Variants in NFE2L1 observed in about 807,000 individuals in gnomAD.
NFE2L1 encodes the protein NFE2 like bZIP transcription factor 1, also known as endoplasmic reticulum membrane sensor NFE2L1.
Under a neutral mutation model 61.6 loss-of-function variants are expected in NFE2L1, and 18 were observed. The ratio of observed to expected loss-of-function variants is 0.29; its 90% CI spans 0.20 to 0.43. The LOEUF is 0.43. Among genes scored for constraint, NFE2L1 ranks in the 20% least tolerant of loss-of-function variants. The pLI is 1.00. For synonymous variants in NFE2L1, 419 were observed against 402.7 expected, an observed-to-expected ratio of 1.04 and a Z score of -0.48; for missense variants, 827 against 973.5, an observed-to-expected ratio of 0.85 and a Z score of 2.00.
intron 2 of NFE2L1, chr17:48,054,587 A>G: frequency 2.4e-6 from 2 of 842,914 alleles, no homozygotes; most frequent in East Asian, 4.1e-5. Context: ...CAGCCTCAGC[A>G]GTGACCTGCG....
Position 48,061,186 on chromosome 17 carries a change from C to T in NFE2L1, c.*1545C>T, listed in dbSNP as rs912417391. ...AGGTGGCCAGATGGTTCCAGGACTA[C>T]AATGTCTTTATTTTTAACTGTTTGC... On this transcript the variant is annotated 3_prime_UTR_variant, in exon 6 of 6. Transcript: ENST00000362042. The T allele has an allele frequency of 2.0e-5, 3 of 152,184 alleles. No homozygotes were observed. Among genetic ancestry groups the T allele is most frequent in the African/African-American group, 4.8e-5 (2 of 41,400 alleles). 9.4% of individuals were successfully genotyped at this position (152,184 alleles called of 1,614,324 possible). A position where few individuals can be genotyped will look rare whatever the true frequency, so the allele number is the denominator to read the frequency against.
In NFE2L1 at chr17:48,059,033, G is replaced by A. The variant is rs772693788; in HGVS notation, c.1711G>A (p.Val571Met). Residue 571 changes from valine to methionine, a missense_variant, in exon 6 of 6, where the codon GTG (valine) becomes ATG (methionine). Val to Met is a conservative substitution (Grantham distance 21). Around this residue, in one of 3 missense-constraint regions of NFE2L1, gnomAD observed 667 missense variants for 748.4 expected, o/e 0.89. Coordinates refer to ENST00000362042, the MANE Select transcript of NFE2L1 (RefSeq NM_003204.3). This position sits in a 1 kb window ranked among gnomAD's most constrained non-coding sequence, Gnocchi z 6.1. ...CTCATGCCTGCCCTACCTGGAGCAC[G>A]TGGGCCACAACCACACATACAACAT... ...QLSCLPYLEH[V>M]GHNHTYNMAP... The A allele has an allele frequency of 1.9e-6, 3 of 1,613,992 alleles. No individual in the cohort carries two copies. Among genetic ancestry groups the A allele is most frequent in the Admixed American group, 1.7e-5 (1 of 60,002 alleles).
intron 2 of NFE2L1, chr17:48,055,105 G>C: frequency 6.9e-7 from 1 of 1,445,008 alleles, no homozygotes; most frequent in Non-Finnish European, 9.1e-7. Flanking sequence ...CTGGTCACCG[G>C]GTGGCCCAGC....
chr17:48,049,791 T>A (rs1472590536), intron 1 of NFE2L1, among the ~76,000 whole-genome samples: 1 of 152,238 alleles, frequency 6.6e-6, no homozygotes, highest in Non-Finnish European at 1.5e-5. Flanking sequence ...GCCTGAACAT[T>A]GTCCTTTTGT....
rs577046386 is a variant in NFE2L1 at position 48,053,238 on chromosome 17, C to T, written c.510+1610C>T. 4.1e-4 allele frequency among the ~76,000 whole-genome samples: 62 copies of T among 152,166 alleles called. 1 individual carries two copies. Among genetic ancestry groups the T allele is most frequent in the Middle Eastern group, 6.8e-3 (2 of 294 alleles). ...TGGATATTATTGGGTGGGTTGGGGC[C>T]GAATGGGATGGGACTTTGACCCTGC... On this transcript the variant is annotated intron_variant, in intron 2 of 5. Coordinates refer to ENST00000362042, the MANE Select transcript of NFE2L1 (RefSeq NM_003204.3).
At chr17:48,054,826 T>C in intron 2 of NFE2L1, 1 of 1,271,408 alleles carries the variant, frequency 7.9e-7, no homozygotes, top group Non-Finnish European at 9.8e-7. Flanking sequence ...GGGAGGGGGC[T>C]GCTCAAGGAT....
intron 2 of NFE2L1, among the ~76,000 whole-genome samples, chr17:48,052,669 G>A (rs778860416): frequency 6.6e-6 from 1 of 152,178 alleles, no homozygotes; most frequent in Non-Finnish European, 1.5e-5. Context: ...GCTTGTTCTA[G>A]GCCAGTGGTC....
chr17:48,054,727 T>C, intron 2 of NFE2L1: 3 of 1,256,512 alleles, frequency 2.4e-6, no homozygotes, highest in Non-Finnish European at 3.0e-6. Context: ...GCACGGAGCA[T>C]GGGGTGGGAG....
intron 2 of NFE2L1, chr17:48,054,963 G>C: frequency 6.8e-7 from 1 of 1,470,466 alleles, no homozygotes; most frequent in Non-Finnish European, 9.0e-7. Context: ...AGAGCTCCTT[G>C]CAGCCCCCTG....
chr17:48,054,825 C>T (rs2037351646), intron 2 of NFE2L1: 1 of 1,298,054 alleles, frequency 7.7e-7, no homozygotes. Context: ...TGGGAGGGGG[C>T]TGCTCAAGGA....
rs1598298054 is a variant in NFE2L1, at chr17:48,061,451, A to C, written c.*1810A>C. The C allele has an allele frequency of 6.6e-6, 1 of 152,208 alleles. No individual in the cohort carries two copies. Among genetic ancestry groups the C allele is most frequent in the African/African-American group, 2.4e-5 (1 of 41,438 alleles). 9.4% of individuals were successfully genotyped at this position (152,208 alleles called of 1,614,324 possible). A position where few individuals can be genotyped will look rare whatever the true frequency, so the allele number is the denominator to read the frequency against. Reference sequence around the variant, plus strand: ...GAGAGAGAGAGATGCTGTTGAGCACATGACAAAATAAAATAAAATGGATGA... The same window carrying C: ...GAGAGAGAGAGATGCTGTTGAGCACCTGACAAAATAAAATAAAATGGATGA... On this transcript the variant is annotated 3_prime_UTR_variant, in exon 6 of 6. Transcript: ENST00000362042.
chr17:48,056,397 G>A lies in NFE2L1; in HGVS notation c.522G>A (p.Leu174=). ...SGDLTKEDID[L]IDILWRQDID... Reference sequence around the variant, plus strand: ...GATCTGTCTTTCAGGACATAGATCTGATTGACATCCTTTGGCGACAGGATA... The same window carrying A: ...GATCTGTCTTTCAGGACATAGATCTAATTGACATCCTTTGGCGACAGGATA... Residue 174 remains leucine, a synonymous_variant, in exon 3 of 6, where the codon CTG becomes CTA. Coordinates refer to ENST00000362042, the MANE Select transcript of NFE2L1 (RefSeq NM_003204.3). 1.9e-6 allele frequency: 3 copies of A among 1,614,162 alleles called. No homozygotes were observed. Among genetic ancestry groups the A allele is most frequent in the Non-Finnish European group, 2.5e-6 (3 of 1,180,014 alleles).
At position 48,057,520 on chromosome 17, in the gene NFE2L1, G is replaced by T. The variant is rs373998527; in HGVS notation, c.972+18G>T. 1.2e-6 allele frequency: 2 copies of T among 1,605,838 alleles called. No homozygotes were observed. Among genetic ancestry groups the T allele is most frequent in the African/African-American group, 2.7e-5 (2 of 74,590 alleles). On this transcript the variant is annotated intron_variant, in intron 5 of 5. Transcript: ENST00000362042. ...AAATGCAGGTAGGATTGTCGGAACC[G>T]GGCACAAACCTATTGGATTTTGCAC...
chr17:48,058,258 G>C (rs758001778), intron 5 of NFE2L1, 37 bp from the exon 6 acceptor site: 10 of 1,529,350 alleles, frequency 6.5e-6, no homozygotes, highest in Middle Eastern at 1.8e-4. Flanking sequence ...GAGGGAGTCA[G>C]TTCCTAGTGA....
chr17:48,059,581 C>T lies in NFE2L1; in HGVS notation c.2259C>T (p.Arg753=). 1 of 1,594,350 alleles carries T rather than the reference C, an allele frequency of 6.3e-7. No individual in the cohort carries two copies. The highest frequency in any genetic ancestry group is 8.6e-7 in the Non-Finnish European group (1 of 1,167,512). The part of the protein sequence containing the change: ...AGDGSVLLIP[R]TMADQQARRQ... Reference sequence around the variant, plus strand: ...ACGGCAGTGTCCTCCTCATCCCCCGCACGATGGCCGACCAGCAGGCCCGGC... The same window carrying T: ...ACGGCAGTGTCCTCCTCATCCCCCGTACGATGGCCGACCAGCAGGCCCGGC... Residue 753 remains arginine (R), a synonymous_variant, in exon 6 of 6, where the codon CGC becomes CGT. Transcript: ENST00000362042. The surrounding 1 kb of genome is among the most constrained non-coding windows in gnomAD (Gnocchi z 6.1).
chr17:48,050,963 G>C lies in NFE2L1; in HGVS notation c.-156G>C. The C allele has an allele frequency of 2.4e-6, 2 of 846,320 alleles. No homozygotes were observed. The highest frequency in any genetic ancestry group is 1.6e-5 in the South Asian group (1 of 61,462). The allele number at this position is 846,320 out of a possible 1,614,324, so 52.4% of individuals were successfully genotyped here. On this transcript the variant is annotated 5_prime_UTR_variant, in exon 2 of 6. Transcript: ENST00000362042. ...ACAGGGTGTGCTTTCCTCTGGGGCC[G>C]TCAGGGAGCTCATCCCTTGTGTTCT...
At chr17:48,057,962 G>A (rs2037445659) in intron 5 of NFE2L1, among the ~76,000 whole-genome samples, 1 of 152,206 alleles carries the variant, frequency 6.6e-6, no homozygotes. Context: ...GTGCAGCTAG[G>A]TTTTCTGACT....
At position 48,059,520 on chromosome 17, in the gene NFE2L1, A is replaced by C. The variant is rs2037493358; in HGVS notation, c.2198A>C (p.Tyr733Ser). The change falls in exon 6 of 6, where the codon TAC (tyrosine) becomes TCC (serine). Residue 733 changes from tyrosine (Y) to serine (S), a missense_variant. By Grantham distance (144) the Tyr-to-Ser change is moderately radical. This residue lies in a region of NFE2L1 where 86 missense variants were observed against 97.3 expected (regional missense o/e 0.88). Transcript: ENST00000362042. The surrounding 1 kb of genome is among the most constrained non-coding windows in gnomAD (Gnocchi z 6.1). ...GRLRDENGRP[Y>S]SPSQYALQYA... is the part of the protein sequence containing the mutation. The stretch of plus-strand genomic sequence containing the variant: ...CTGCGAGATGAGAACGGACGACCCT[A>C]CTCGCCCAGTCAGTATGCGCTCCAG... 1 of 1,613,728 alleles carries C rather than the reference A, an allele frequency of 6.2e-7. No homozygotes were observed. The highest frequency in any genetic ancestry group is 8.5e-7 in the Non-Finnish European group (1 of 1,179,822).
At chr17:48,057,167 T>C in intron 4 of NFE2L1, 46 bp downstream of exon 4, 1 of 1,603,934 alleles carries the variant, frequency 6.2e-7, no homozygotes, top group Non-Finnish European at 8.5e-7. Flanking sequence ...CAGGGCAGCC[T>C]GTACCTGGTG....
Sources: gnomAD v4.1 joint callset for allele counts (sites outside exome capture counted in the v4.1 genomes callset) on GRCh38, gnomAD v4.1.1 for gene constraint, gnomAD v4.1.1 regional missense constraint, Gnocchi (gnomAD v3.1) non-coding constraint, MANE v1.5 for transcripts, NCBI Gene and HGNC (gene_info 2026-07-23, HGNC 2026-07-21) for gene names.